Variants in CLYBL observed in about 807,000 individuals in gnomAD.
CLYBL encodes citramalyl-CoA lyase, mitochondrial.
Under a neutral mutation model 38.9 loss-of-function variants are expected in CLYBL, and 31 were observed. The observed-to-expected ratio is 0.80, with a 90% CI of 0.60 to 1.08. CLYBL has a LOEUF of 1.08. CLYBL is among the 50% of genes least tolerant of loss of function. CLYBL has a pLI of 0.00. For missense variants in CLYBL, 434 were observed against 411.6 expected (o/e 1.05, Z -0.47); for synonymous variants, 171 against 158.6 (o/e 1.08, Z -0.59).
At chr13:99,679,529 C>G (rs2047703438) in intron 1 of CLYBL, among the ~76,000 whole-genome samples, 1 of 152,088 alleles carries the variant, frequency 6.6e-6, no homozygotes, top group South Asian at 2.1e-4. Context: ...TTACTCAGAT[C>G]TCCACTGTGC....
At chr13:99,850,257 T>G (rs2051300686) in intron 2 of CLYBL, among the ~76,000 whole-genome samples, 1 of 152,244 alleles carries the variant, frequency 6.6e-6, no homozygotes, top group Non-Finnish European at 1.5e-5. Flanking sequence ...TGGTAAGGAT[T>G]TGATATCCAG....
chr13:99,709,680 T>C (rs1478537078), intron 1 of CLYBL, among the ~76,000 whole-genome samples: 1 of 152,196 alleles, frequency 6.6e-6, no homozygotes, highest in Non-Finnish European at 1.5e-5. Flanking sequence ...TTGATTTTTC[T>C]TTCTTTGAAA....
chr13:99,715,406 TTTTTC>T (rs928236566), intron 1 of CLYBL, among the ~76,000 whole-genome samples: 20 of 151,414 alleles, frequency 1.3e-4, no homozygotes, highest in African/African-American at 4.4e-4. Context: ...TCTTTTTTTC[TTTTTC>T]TTTTCTTTTT....
intron 1 of CLYBL, among the ~76,000 whole-genome samples, chr13:99,746,996 C>T (rs1419640678): frequency 6.6e-6 from 1 of 152,160 alleles, no homozygotes; most frequent in African/African-American, 2.4e-5. Context: ...AGTGAAGGAG[C>T]GCAGGTTTCC....
intron 2 of CLYBL, among the ~76,000 whole-genome samples, chr13:99,813,111 A>C (rs1226087517): frequency 6.6e-6 from 1 of 152,158 alleles, no homozygotes; most frequent in African/African-American, 2.4e-5. Flanking sequence ...TTCTGCACCA[A>C]AATGGTGAAC....
chr13:99,632,023 C>G (rs2046953532), intron 1 of CLYBL, among the ~76,000 whole-genome samples: 2 of 152,130 alleles, frequency 1.3e-5, no homozygotes, highest in Non-Finnish European at 2.9e-5. Context: ...AGGTTTGTAG[C>G]TTTAACCTGA....
chr13:99,699,515 A>G (rs1267041657), intron 1 of CLYBL, among the ~76,000 whole-genome samples: 1 of 150,750 alleles, frequency 6.6e-6, no homozygotes, highest in Non-Finnish European at 1.5e-5. Flanking sequence ...AATATGGCGA[A>G]ACCCCATCTT....
chr13:99,885,853 G>A (rs1287263791), intron 7 of CLYBL, among the ~76,000 whole-genome samples: 1 of 152,146 alleles, frequency 6.6e-6, no homozygotes, highest in Non-Finnish European at 1.5e-5. Flanking sequence ...GAGTTTCAGG[G>A]CGCTGTTGAC....
intron 2 of CLYBL, among the ~76,000 whole-genome samples, chr13:99,800,901 A>AC (rs1207780681): frequency 3.0e-5 from 4 of 133,042 alleles, no homozygotes; most frequent in African/African-American, 1.1e-4. Context: ...CAACAAAAAA[A>AC]AAAAACAAAA....
intron 2 of CLYBL, among the ~76,000 whole-genome samples, chr13:99,814,410 C>T (rs1198623782): frequency 6.6e-6 from 1 of 152,158 alleles, no homozygotes; most frequent in African/African-American, 2.4e-5. Context: ...TTGTTTGCCC[C>T]TTTGAACATG....
intron 1 of CLYBL, among the ~76,000 whole-genome samples, chr13:99,652,977 C>T (rs763754845): frequency 1.1e-4 from 17 of 152,136 alleles, no homozygotes; most frequent in Non-Finnish European, 2.4e-4. Context: ...GAGCTGGTGG[C>T]GGTAAATAAC....
chr13:99,754,956 G>A (rs1187978640), intron 1 of CLYBL, among the ~76,000 whole-genome samples: 1 of 150,284 alleles, frequency 6.7e-6, no homozygotes, highest in East Asian at 2.0e-4. Flanking sequence ...GAAGTGCAGT[G>A]GCGCAATCTC....
chr13:99,761,497 A>G (rs2049164872), intron 1 of CLYBL, among the ~76,000 whole-genome samples: 1 of 152,216 alleles, frequency 6.6e-6, no homozygotes, highest in Non-Finnish European at 1.5e-5. Context: ...GTTGCTGCAA[A>G]TGACAGGATT....
chr13:99,885,466 T>C (rs1320473529), intron 7 of CLYBL, among the ~76,000 whole-genome samples: 1 of 152,110 alleles, frequency 6.6e-6, no homozygotes, highest in Non-Finnish European at 1.5e-5. Context: ...ACTGAAGATA[T>C]TGCACTTAAT....
At chr13:99,806,763 T>G (rs1400864029) in intron 2 of CLYBL, among the ~76,000 whole-genome samples, 1 of 152,242 alleles carries the variant, frequency 6.6e-6, no homozygotes, top group Non-Finnish European at 1.5e-5. Context: ...TTTTTCCTCC[T>G]CTTACCATAT....
intron 1 of CLYBL, among the ~76,000 whole-genome samples, chr13:99,761,059 T>G (rs945957242): frequency 1.3e-5 from 2 of 152,148 alleles, no homozygotes; most frequent in Non-Finnish European, 2.9e-5. Context: ...CGTTAATATT[T>G]TCTGTCTTTG....
chr13:99,739,030 AAG>A (rs1197142947), intron 1 of CLYBL, among the ~76,000 whole-genome samples: 2 of 152,242 alleles, frequency 1.3e-5, no homozygotes, highest in Non-Finnish European at 2.9e-5. Context: ...AATCCTTAAA[AAG>A]AGTAAAATTG....
intron 5 of CLYBL, 25 bp from the exon 6 acceptor site, chr13:99,866,215 T>G (rs1253208741): frequency 1.2e-6 from 2 of 1,610,920 alleles, no homozygotes; most frequent in Admixed American, 3.4e-5. Flanking sequence ...AAAGCCTCCT[T>G]TTTCTGTTAA....
At chr13:99,767,448 C>G (rs1424512366) in intron 1 of CLYBL, among the ~76,000 whole-genome samples, 1 of 152,182 alleles carries the variant, frequency 6.6e-6, no homozygotes, top group African/African-American at 2.4e-5. Flanking sequence ...GTTCATCTTA[C>G]TTGGAGTTCA....
Sources: gnomAD v4.1 joint callset for allele counts (sites outside exome capture counted in the v4.1 genomes callset) on GRCh38, gnomAD v4.1.1 for gene constraint, MANE v1.5 for transcripts, NCBI Gene and HGNC (gene_info 2026-07-23, HGNC 2026-07-21) for gene names.